Variants in HERC1 observed in about 807,000 individuals in gnomAD.
HERC1 encodes the protein HECT and RLD domain containing E3 ubiquitin protein ligase family member 1, also known as probable E3 ubiquitin-protein ligase HERC1.
A neutral mutation model predicts 554.3 loss-of-function variants in HERC1; 160 were observed. That is an observed-to-expected ratio of 0.29 (90% confidence interval 0.25 to 0.33). The LOEUF (loss-of-function observed/expected upper bound fraction) is 0.33. Ranked by LOEUF, HERC1 falls within the 10% of genes least tolerant of loss-of-function variation. The pLI is 1.00. For missense variants in HERC1, 4,919 were observed against 5,918.5 expected (o/e 0.83, Z 5.54); for synonymous variants, 2,175 against 2,131.7 (o/e 1.02, Z -0.56).
intron 1 of HERC1, among the ~76,000 whole-genome samples, chr15:63,789,232 A>G (rs1274391520): frequency 6.8e-6 from 1 of 146,918 alleles, no homozygotes; most frequent in Non-Finnish European, 1.5e-5. Context: ...CTGGGACTAC[A>G]GGCGCCCGCC....
At position 63,634,768 on chromosome 15, in the gene HERC1, T is replaced by G. The variant is rs765199232; in HGVS notation, c.12535A>C (p.Arg4179=). ...TGATATCCCTCCAGTGCAGTCACTC[T>G]CTCTGGAAGTTTTTTGTTAGAGGTA... ...GNTSNKKLPE[R]VTALEGYQIG... The change falls in exon 66 of 78, where the codon AGA becomes CGA. Residue 4179 remains arginine (R), a synonymous_variant. Coordinates refer to ENST00000443617, the MANE Select transcript of HERC1 (RefSeq NM_003922.4). 1.9e-6 allele frequency: 3 copies of G among 1,613,066 alleles called. No homozygotes were observed. The highest frequency in any genetic ancestry group is 2.5e-6 in the Non-Finnish European group (3 of 1,179,302).
intron 1 of HERC1, among the ~76,000 whole-genome samples, chr15:63,817,241 T>C (rs1442531649): frequency 1.3e-5 from 2 of 152,210 alleles, no homozygotes; most frequent in African/African-American, 4.8e-5. Flanking sequence ...TATATCTATC[T>C]ATAAACCAGA....
At chr15:63,652,140 T>A (rs1034641747) in intron 52 of HERC1, among the ~76,000 whole-genome samples, 6 of 152,220 alleles carry the variant, frequency 3.9e-5, no homozygotes, top group Non-Finnish European at 5.9e-5. Context: ...CTTAAAGACC[T>A]ATAGCAAATT....
At position 63,663,073 on chromosome 15, in the gene HERC1, C is replaced by T. The variant is rs2070438277; in HGVS notation, c.8812G>A (p.Ala2938Thr). 6.2e-7 allele frequency: 1 copy of T among 1,613,926 alleles called. No homozygotes were observed. The highest frequency in any genetic ancestry group is 8.5e-7 in the Non-Finnish European group (1 of 1,179,860). Residue 2938 changes from alanine to threonine, a missense_variant, in exon 44 of 78, where the codon GCG (alanine) becomes ACG (threonine). Ala to Thr is a moderately conservative substitution (Grantham distance 58). Coordinates refer to ENST00000443617, the MANE Select transcript of HERC1 (RefSeq NM_003922.4). ...EELEIDLDDE[A>T]MEAMFGQDLT... is the part of the protein sequence containing the mutation. Reference sequence around the variant, plus strand: ...TCTTGTCCAAACATAGCTTCCATCGCCTCATCATCAAGATCAATTTCCAAT... The same window carrying T: ...TCTTGTCCAAACATAGCTTCCATCGTCTCATCATCAAGATCAATTTCCAAT...
Position 63,694,668 on chromosome 15 carries a change from A to T in HERC1, c.5242+106T>A, listed in dbSNP as rs2072300843. 6.7e-7 allele frequency: 1 copy of T among 1,484,992 alleles called. No individual in the cohort carries two copies. The highest frequency in any genetic ancestry group is 1.4e-5 in the African/African-American group (1 of 72,132). The allele number at this position is 1,484,992 out of a possible 1,614,324, so 92.0% of individuals were successfully genotyped here. A position where few individuals can be genotyped will look rare whatever the true frequency, so the allele number is the denominator to read the frequency against. ...ACTAAATTATTTATTCTTTACCTAT[A>T]AGTTTATCTACTAATGTTAAACACA... On this transcript the variant is annotated intron_variant, in intron 28 of 77. Transcript: ENST00000443617. The surrounding 1 kb of genome is among the most constrained non-coding windows in gnomAD (Gnocchi z 4.3).
chr15:63,831,100 G>GT (rs1400184839), intron 1 of HERC1, among the ~76,000 whole-genome samples: 4 of 152,206 alleles, frequency 2.6e-5, no homozygotes, highest in African/African-American at 9.6e-5. Context: ...CTTTGTTGTT[G>GT]TTTGTTTTGT....
rs2072266280 is a variant in HERC1 at position 63,693,975 on chromosome 15, T to G, written c.5663A>C (p.Lys1888Thr). 6.4e-7 allele frequency: 1 copy of G among 1,551,402 alleles called. No individual in the cohort carries two copies. Among genetic ancestry groups the G allele is most frequent in the South Asian group, 1.2e-5 (1 of 83,844 alleles). ...GAGGCTTACATTACCTCTGAAATCTTTCTTCTCAGTTTCTCCACTGGAGTC... is the reference window on the plus strand; with the variant it reads ...GAGGCTTACATTACCTCTGAAATCTGTCTTCTCAGTTTCTCCACTGGAGTC... ...KVDSSGETEK[K>T]DFRAALRKQH... is the part of the protein sequence containing the mutation. Residue 1888 changes from lysine (K) to threonine (T), a missense_variant, in exon 30 of 78, where the codon AAA becomes ACA. Coordinates refer to ENST00000443617, the MANE Select transcript of HERC1 (RefSeq NM_003922.4).
intron 59 of HERC1, among the ~76,000 whole-genome samples, 179 bp from the exon 60 acceptor site, chr15:63,641,822 C>T (rs923286957): frequency 6.6e-6 from 1 of 152,080 alleles, no homozygotes; most frequent in Admixed American, 6.5e-5. Flanking sequence ...TAAATTTTGT[C>T]TAAGTAAAAA....
rs1032322883 is a variant in HERC1 at position 63,734,162 on chromosome 15, G to A, written c.2646+562C>T. 1.3e-5 allele frequency among the ~76,000 whole-genome samples: 2 copies of A among 152,018 alleles called. No individual in the cohort carries two copies. Among genetic ancestry groups the A allele is most frequent in the Non-Finnish European group, 2.9e-5 (2 of 68,002 alleles). ...AGCGTGGATGACAGAGCAAGACTCT[G>A]TCTCCAAAAAAAGATTTAAAAAGAA... On this transcript the variant is annotated intron_variant, in intron 13 of 77. Coordinates refer to ENST00000443617, the MANE Select transcript of HERC1 (RefSeq NM_003922.4). The surrounding 1 kb of genome is among the most constrained non-coding windows in gnomAD (Gnocchi z 4.6).
In HERC1 at chr15:63,674,344, T is replaced by A. The variant is rs765597307; in HGVS notation, c.7844A>T (p.Gln2615Leu). The change falls in exon 38 of 78, where the codon CAA becomes CTA. Residue 2615 changes from glutamine to leucine, a missense_variant and splice_region_variant. This residue lies in a region of HERC1 where 1,963 missense variants were observed against 2,228.6 expected (regional missense o/e 0.88). Transcript: ENST00000443617. The stretch of plus-strand genomic sequence containing the variant: ...AAAAAAAAAATCAGATAACATACCT[T>A]GCTTAATTTTGCCCCCAAACTGGTC... ...LEDQFGGKIK[Q>L]EIDQQAEESD... The A allele has an allele frequency of 3.1e-6, 5 of 1,593,988 alleles. No individual in the cohort carries two copies. The highest frequency in any genetic ancestry group is 4.3e-6 in the Non-Finnish European group (5 of 1,170,000).
chr15:63,815,851 GGCA>G (rs1479070701), intron 1 of HERC1, among the ~76,000 whole-genome samples: 1 of 152,126 alleles, frequency 6.6e-6, no homozygotes, highest in Non-Finnish European at 1.5e-5. Context: ...TTACAATCAT[GGCA>G]GAAGGGGTTA....
rs773068688 is a variant in HERC1, at chr15:63,692,407, G to A, written c.5830+4C>T. Reference sequence around the variant, plus strand: ...ACTCTAAGACAAAGGCAAAGGACATGTACCTGAAGAACATTTCTGAGATGC... The same window carrying A: ...ACTCTAAGACAAAGGCAAAGGACATATACCTGAAGAACATTTCTGAGATGC... On this transcript the variant is annotated splice_donor_region_variant and intron_variant, in intron 31 of 77. Coordinates refer to ENST00000443617, the MANE Select transcript of HERC1 (RefSeq NM_003922.4). This position sits in a 1 kb window ranked among gnomAD's most constrained non-coding sequence, Gnocchi z 4.7. The A allele has an allele frequency of 1.9e-6, 3 of 1,595,822 alleles. No individual in the cohort carries two copies. The highest frequency in any genetic ancestry group is 3.7e-5 in the Admixed American group (2 of 54,750).
intron 2 of HERC1, among the ~76,000 whole-genome samples, chr15:63,774,107 A>G (rs1035487378): frequency 1.1e-4 from 17 of 152,254 alleles, no homozygotes; most frequent in Admixed American, 7.9e-4. Flanking sequence ...CACATTAACT[A>G]AAACAGCAAC....
chr15:63,760,754 G>C (rs989119614), intron 3 of HERC1, among the ~76,000 whole-genome samples: 3 of 151,720 alleles, frequency 2.0e-5, no homozygotes, highest in Admixed American at 1.3e-4. Context: ...CCAATCAAGG[G>C]AATAAAAATA....
Position 63,637,528 on chromosome 15 carries a change from A to T in HERC1, c.12209T>A (p.Leu4070Gln), listed in dbSNP as rs1474492233. The change falls in exon 64 of 78, where the codon CTG becomes CAG. Residue 4070 changes from leucine (L) to glutamine (Q), a missense_variant. Coordinates refer to ENST00000443617, the MANE Select transcript of HERC1 (RefSeq NM_003922.4). ...ACCTTGTAAGGCTGAAATAACTGTC[A>T]GCACATGAAGGTCATCTGAATTTCC... Reference protein sequence around the residue: ...GQGNSDDLHVLTVISALQGFV... With the variant: ...GQGNSDDLHVQTVISALQGFV... The T allele has an allele frequency of 2.6e-6, 4 of 1,568,080 alleles. No individual in the cohort carries two copies. The highest frequency in any genetic ancestry group is 3.5e-6 in the Non-Finnish European group (4 of 1,154,734).
intron 1 of HERC1, among the ~76,000 whole-genome samples, chr15:63,791,704 G>A (rs1459199732): frequency 5.3e-5 from 8 of 152,130 alleles, no homozygotes; most frequent in Non-Finnish European, 8.8e-5. Context: ...ATGTCTAAAT[G>A]TTTTAAGCTG....
At chr15:63,759,861 G>T (rs909415555) in intron 3 of HERC1, among the ~76,000 whole-genome samples, 7 of 152,214 alleles carry the variant, frequency 4.6e-5, no homozygotes, top group African/African-American at 1.7e-4. Context: ...CCAAACAATA[G>T]AATAATATGT....
At chr15:63,666,517 AC>A in intron 40 of HERC1, 45 bp from the exon 41 acceptor site, 1 of 1,234,000 alleles carries the variant, frequency 8.1e-7, no homozygotes, top group Non-Finnish European at 1.2e-6. Context: ...ATCACTAGAT[AC>A]CGTGAGTAAA....
chr15:63,792,670 T>TGTTGTGTGAG (rs1238361561), intron 1 of HERC1, among the ~76,000 whole-genome samples: 2 of 152,218 alleles, frequency 1.3e-5, no homozygotes, highest in Non-Finnish European at 2.9e-5. Flanking sequence ...TATTAGACTC[T>TGTTGTGTGAG]CACAACACAG....
Sources: gnomAD v4.1 joint callset for allele counts (sites outside exome capture counted in the v4.1 genomes callset) on GRCh38, gnomAD v4.1.1 for gene constraint, gnomAD v4.1.1 regional missense constraint, Gnocchi (gnomAD v3.1) non-coding constraint, MANE v1.5 for transcripts, NCBI Gene and HGNC (gene_info 2026-07-23, HGNC 2026-07-21) for gene names.